The following TMEM181 variants were observed in gnomAD, a reference collection of about 807,000 sequenced individuals.
TMEM181 encodes the protein transmembrane protein 181.
TMEM181 carries 39 observed loss-of-function variants against 71.9 expected under a neutral mutation model. The observed-to-expected ratio is 0.54, with a 90% CI of 0.42 to 0.71. The LOEUF (loss-of-function observed/expected upper bound fraction) is 0.71, where lower values mean the gene tolerates loss of function less well. TMEM181 is among the 30% of genes least tolerant of loss of function. The pLI is 0.00. For synonymous variants in TMEM181, 245 were observed against 228.8 expected (o/e 1.07, Z -0.64); for missense variants, 595 against 583.0 (o/e 1.02, Z -0.21).
chr6:158,628,366 G>C (rs567346223), intron 13 of TMEM181, 42 bp from the exon 14 acceptor site: 1 of 1,594,990 alleles, frequency 6.3e-7, no homozygotes, highest in South Asian at 1.1e-5. Flanking sequence ...TGCCGTTTTC[G>C]TGCATGTTTA....
At position 158,634,277 on chromosome 6, in the gene TMEM181, A is replaced by C. The variant is rs1283697893; in HGVS notation, c.*2389A>C. Reference sequence around the variant, plus strand: ...ACATACCCCATGTAAAATTTTGCTTAAACTCTCTAGCACTTGGCATGTAGA... The same window carrying C: ...ACATACCCCATGTAAAATTTTGCTTCAACTCTCTAGCACTTGGCATGTAGA... On this transcript the variant is annotated 3_prime_UTR_variant, in exon 17 of 17. Transcript: ENST00000684151. The C allele has an allele frequency of 6.6e-6, 1 of 152,250 alleles. No individual in the cohort carries two copies. The highest frequency in any genetic ancestry group is 1.5e-5 in the Non-Finnish European group (1 of 68,044). The allele number at this position is 152,250 out of a possible 1,614,324, so 9.4% of individuals were successfully genotyped here.
intron 6 of TMEM181, among the ~76,000 whole-genome samples, chr6:158,592,658 A>G (rs997838112): frequency 2.6e-5 from 4 of 152,012 alleles, no homozygotes; most frequent in African/African-American, 9.7e-5. Flanking sequence ...GCTAATTTTC[A>G]TATATTTAGT....
At chr6:158,582,467 C>T (rs1783534119) in intron 3 of TMEM181, among the ~76,000 whole-genome samples, 1 of 152,162 alleles carries the variant, frequency 6.6e-6, no homozygotes, top group Admixed American at 6.5e-5. Context: ...TCACTTGAGA[C>T]TAGCCTGGGC....
chr6:158,594,378 C>G (rs545863325), intron 6 of TMEM181, among the ~76,000 whole-genome samples: 2 of 152,166 alleles, frequency 1.3e-5, no homozygotes, highest in African/African-American at 4.8e-5. Flanking sequence ...GGATTACATG[C>G]GTGAGCCACT....
At chr6:158,568,067 G>C (rs1466126144) in intron 1 of TMEM181, among the ~76,000 whole-genome samples, 1 of 152,100 alleles carries the variant, frequency 6.6e-6, no homozygotes, top group Admixed American at 6.6e-5. Context: ...TGAACAGTGG[G>C]ACTGGCGTGC....
In TMEM181 at chr6:158,631,946, T is replaced by A; in HGVS notation, c.*58T>A. 1 of 1,424,288 alleles carries A rather than the reference T, an allele frequency of 7.0e-7. No homozygotes were observed. The highest frequency in any genetic ancestry group is 9.7e-7 in the Non-Finnish European group (1 of 1,031,492). 88.2% of individuals were successfully genotyped at this position (1,424,288 alleles called of 1,614,324 possible). On this transcript the variant is annotated 3_prime_UTR_variant, in exon 17 of 17. Transcript: ENST00000684151. Reference sequence around the variant, plus strand: ...CTGGATGCTTTCCCCGGTGACCGTCTGCTGACCTTCCCCTGTTATATTCAG... The same window carrying A: ...CTGGATGCTTTCCCCGGTGACCGTCAGCTGACCTTCCCCTGTTATATTCAG...
At chr6:158,605,158 G>GTGTGTGTGTGTGTA in intron 6 of TMEM181, 109 bp from the exon 7 acceptor site, 1 of 571,558 alleles carries the variant, frequency 1.7e-6, no homozygotes. Flanking sequence ...GTGTGTGTGT[G>GTGTGTGTGTGTGTA]TATGTGTATA....
intron 6 of TMEM181, among the ~76,000 whole-genome samples, chr6:158,601,340 G>C (rs1158289802): frequency 6.6e-6 from 1 of 151,976 alleles, no homozygotes; most frequent in South Asian, 2.1e-4. Flanking sequence ...CCTGAGATCA[G>C]GAGTTCGGGA....
chr6:158,539,126 A>G (rs1212222725), intron 1 of TMEM181, among the ~76,000 whole-genome samples: 1 of 152,192 alleles, frequency 6.6e-6, no homozygotes, highest in Non-Finnish European at 1.5e-5. Context: ...TCCTTAGTTG[A>G]GTTGGAGCTT....
At chr6:158,567,702 A>T (rs564879388) in intron 1 of TMEM181, among the ~76,000 whole-genome samples, 1 of 152,176 alleles carries the variant, frequency 6.6e-6, no homozygotes, top group Non-Finnish European at 1.5e-5. Context: ...CTGGAGTTGG[A>T]TGCGCGGGTT....
In TMEM181 at chr6:158,589,718, C is replaced by T. The variant is rs981617267; in HGVS notation, c.428C>T (p.Thr143Ile). Residue 143 changes from threonine to isoleucine, a missense_variant, in exon 6 of 17, where the codon ACT becomes ATT. Coordinates refer to ENST00000684151, the MANE Select transcript of TMEM181 (RefSeq NM_001376852.1). ...IVAHLGYLNY[T>I]QYTVIVGFEH... is the part of the protein sequence containing the mutation. ...GCTCACCTTGGCTACCTGAACTACACTCAGTATACAGTGATAGTGGGATTT... is the reference window on the plus strand; with the variant it reads ...GCTCACCTTGGCTACCTGAACTACATTCAGTATACAGTGATAGTGGGATTT... 10 of 1,614,038 alleles carry T rather than the reference C, an allele frequency of 6.2e-6. No individual in the cohort carries two copies. In the African/African-American group the frequency reaches 1.3e-4, roughly 22 times the overall value.
At chr6:158,561,332 G>T (rs912528939) in intron 1 of TMEM181, among the ~76,000 whole-genome samples, 4 of 152,212 alleles carry the variant, frequency 2.6e-5, no homozygotes, top group East Asian at 1.9e-4. Context: ...TCAAATATCA[G>T]ACCTATGTGG....
intron 6 of TMEM181, among the ~76,000 whole-genome samples, chr6:158,599,527 C>T (rs1420172112): frequency 4.6e-5 from 7 of 152,238 alleles, no homozygotes; most frequent in African/African-American, 7.2e-5. Flanking sequence ...ACTTATTTTA[C>T]ATTTTAATTT....
At chr6:158,562,408 A>C (rs1027508304) in intron 1 of TMEM181, among the ~76,000 whole-genome samples, 1 of 151,136 alleles carries the variant, frequency 6.6e-6, no homozygotes, top group African/African-American at 2.4e-5. Context: ...CTTTGGTCTT[A>C]CTTTAGCATT....
chr6:158,570,818 T>A lies in TMEM181; in HGVS notation c.9-2602T>A, dbSNP rs1782764061. Among the ~76,000 whole-genome samples, 11 of 152,226 alleles carry A rather than the reference T, an allele frequency of 7.2e-5. No individual in the cohort carries two copies. In the South Asian group the frequency reaches 2.3e-3, roughly 32 times the overall value. On this transcript the variant is annotated intron_variant, in intron 1 of 16. Coordinates refer to ENST00000684151, the MANE Select transcript of TMEM181 (RefSeq NM_001376852.1). ...AGGCTTTATTTGCATTTCCCCACCA[T>A]CTAGTCCATTTAGCTTTGTGTCATT...
chr6:158,558,524 C>T (rs566721387), upstream of TMEM181, among the ~76,000 whole-genome samples: 3 of 152,122 alleles, frequency 2.0e-5, no homozygotes, highest in Admixed American at 6.5e-5. Flanking sequence ...GGAACTGAGG[C>T]GCAGAGACAG....
In TMEM181 at chr6:158,633,369, T is replaced by C. The variant is rs184254063; in HGVS notation, c.*1481T>C. The C allele has an allele frequency of 6.6e-5, 10 of 152,310 alleles. No individual in the cohort carries two copies. The highest frequency in any genetic ancestry group is 2.0e-4 in the Admixed American group (3 of 15,306). 9.4% of individuals were successfully genotyped at this position (152,310 alleles called of 1,614,324 possible). Reference sequence around the variant, plus strand: ...CCGTTCCTTTCAGTCAGGGACTCCATATAGAGTCTCATGTGGACGTCTCCC... The same window carrying C: ...CCGTTCCTTTCAGTCAGGGACTCCACATAGAGTCTCATGTGGACGTCTCCC... On this transcript the variant is annotated 3_prime_UTR_variant, in exon 17 of 17. Transcript: ENST00000684151.
intron 5 of TMEM181, among the ~76,000 whole-genome samples, chr6:158,588,562 G>A (rs1783919345): frequency 6.6e-6 from 1 of 152,206 alleles, no homozygotes; most frequent in Non-Finnish European, 1.5e-5. Context: ...GGATTCTCCT[G>A]CCTCAGCCTC....
chr6:158,602,587 G>T (rs1350032690), intron 6 of TMEM181, among the ~76,000 whole-genome samples: 3 of 151,486 alleles, frequency 2.0e-5, no homozygotes, highest in African/African-American at 7.3e-5. Flanking sequence ...GGTATTTAAT[G>T]GTTTTACATT....
Sources: allele counts gnomAD v4.1 joint callset (sites outside exome capture counted in the v4.1 genomes callset), GRCh38; gene constraint gnomAD v4.1.1; transcripts MANE v1.5; gene names NCBI Gene and HGNC (gene_info 2026-07-23, HGNC 2026-07-21).